SRCAP: variants seen among roughly 807,000 people sequenced by gnomAD.
SRCAP encodes chromatin remodeling protein SRCAP.
SRCAP carries 46 observed loss-of-function variants against 263.1 expected under a neutral mutation model. The observed-to-expected ratio is 0.17, with a 90% CI of 0.14 to 0.22. SRCAP has a LOEUF of 0.22. SRCAP is among the 10% of genes least tolerant of loss of function. The pLI is 1.00. For synonymous variants in SRCAP, 1,813 were observed against 1,662.1 expected, an observed-to-expected ratio of 1.09 and a Z score of -2.21; for missense variants, 3,695 against 4,181.9, an observed-to-expected ratio of 0.88 and a Z score of 3.21.
At position 30,724,122 on chromosome 16, in the gene SRCAP, T is replaced by C. The variant is rs369096758; in HGVS notation, c.4698T>C (p.Ala1566=). The C allele has an allele frequency of 1.9e-6, 3 of 1,613,788 alleles. No individual in the cohort carries two copies. Among genetic ancestry groups the C allele is most frequent in the Non-Finnish European group, 2.5e-6 (3 of 1,180,028 alleles). Residue 1566 remains alanine (A), a synonymous_variant, in exon 25 of 34, where the codon GCT becomes GCC. Coordinates refer to ENST00000262518, the MANE Select transcript of SRCAP (RefSeq NM_006662.3). ...ASPFPSAPNP[A]PAQASLLAPA... ...CTTTTCCGTCAGCACCAAATCCAGCTCCAGCTCAGGCTTCCCTTCTGGCTC... is the reference window on the plus strand; with the variant it reads ...CTTTTCCGTCAGCACCAAATCCAGCCCCAGCTCAGGCTTCCCTTCTGGCTC...
At position 30,700,722 on chromosome 16, in the gene SRCAP, C is replaced by G. The variant is rs1334991213; in HGVS notation, c.-103C>G. ...CGGTGGCCCAGAATGAGGCCAGCTC[C>G]CAGCATGCCCTGCAGCCGGACGCCA... On this transcript the variant is annotated 5_prime_UTR_variant, in exon 3 of 34. Transcript: ENST00000262518. The G allele has an allele frequency of 8.4e-7, 1 of 1,193,420 alleles. No homozygotes were observed. Among genetic ancestry groups the G allele is most frequent in the Non-Finnish European group, 1.2e-6 (1 of 831,452 alleles). 73.9% of individuals were successfully genotyped at this position (1,193,420 alleles called of 1,614,324 possible). A position where few individuals can be genotyped will look rare whatever the true frequency, so the allele number is the denominator to read the frequency against.
At chr16:30,731,910 TGAG>T (rs1206814230) in intron 27 of SRCAP, among the ~76,000 whole-genome samples, 1 of 150,614 alleles carries the variant, frequency 6.6e-6, no homozygotes, top group Non-Finnish European at 1.5e-5. Context: ...TTTGAGAGGC[TGAG>T]GTGAGTGGAT....
chr16:30,722,806 G>A (rs964013284), intron 23 of SRCAP, 58 bp downstream of exon 23: 39 of 1,565,486 alleles, frequency 2.5e-5, no homozygotes, highest in Admixed American at 2.4e-4. Context: ...CCAGGCATGC[G>A]CTGGGCTACT....
chr16:30,721,372 C>G lies in SRCAP; in HGVS notation c.3437C>G (p.Thr1146Ser). 1 of 1,614,094 alleles carries G rather than the reference C, an allele frequency of 6.2e-7. No homozygotes were observed. The highest frequency in any genetic ancestry group is 8.5e-7 in the Non-Finnish European group (1 of 1,180,046). The change falls in exon 21 of 34, where the codon ACC becomes AGC. Residue 1146 changes from threonine (T) to serine (S), a missense_variant. Around this residue, in one of 12 missense-constraint regions of SRCAP, gnomAD observed 1,347 missense variants for 1,304.4 expected, o/e 1.03. Transcript: ENST00000262518. ...GYTFPPAAAT[T>S]TSTTTATATT... ...ACCTTCCCTCCTGCTGCTGCCACCA[C>G]CACTTCTACCACCACGGCAACTGCT...
At chr16:30,708,780 T>C (rs1024777282) in intron 6 of SRCAP, among the ~76,000 whole-genome samples, 3 of 152,220 alleles carry the variant, frequency 2.0e-5, no homozygotes, top group Admixed American at 6.5e-5. Context: ...CCTCTCACTT[T>C]GGCCTCCCAA....
At chr16:30,725,155 T>C (rs2053051941) in intron 25 of SRCAP, 73 bp downstream of exon 25, 1 of 1,526,998 alleles carries the variant, frequency 6.5e-7, no homozygotes, top group African/African-American at 1.4e-5. Flanking sequence ...GATGGAACAG[T>C]GATGTCACAT....
At chr16:30,700,083 A>G (rs973751514) in intron 2 of SRCAP, 102 bp downstream of exon 2, 30 of 152,334 alleles carry the variant, frequency 2.0e-4, no homozygotes, top group African/African-American at 6.5e-4. Flanking sequence ...CTAGAGAAGC[A>G]TGGGAATGTT....
In SRCAP at chr16:30,721,269, G is replaced by A. The variant is rs751708747; in HGVS notation, c.3334G>A (p.Ala1112Thr). 6.2e-7 allele frequency: 1 copy of A among 1,614,024 alleles called. No individual in the cohort carries two copies. The highest frequency in any genetic ancestry group is 1.1e-5 in the South Asian group (1 of 91,072). ...PTLSLKPTPP[A>T]PVRLSPAPPP... Reference sequence around the variant, plus strand: ...CTTGTCCCTAAAGCCAACACCACCTGCCCCAGTTCGCCTGAGCCCAGCCCC... The same window carrying A: ...CTTGTCCCTAAAGCCAACACCACCTACCCCAGTTCGCCTGAGCCCAGCCCC... The change falls in exon 21 of 34, where the codon GCC (alanine) becomes ACC (threonine). Residue 1112 changes from alanine (A) to threonine (T), a missense_variant. Coordinates refer to ENST00000262518, the MANE Select transcript of SRCAP (RefSeq NM_006662.3).
At chr16:30,706,487 TG>T (rs1367818161) in intron 4 of SRCAP, among the ~76,000 whole-genome samples, 1 of 152,144 alleles carries the variant, frequency 6.6e-6, no homozygotes, top group African/African-American at 2.4e-5. Context: ...CTGAATTTTT[TG>T]AGTCGTCTCT....
Position 30,739,128 on chromosome 16 carries a change from A to G in SRCAP, c.9088A>G (p.Thr3030Ala), listed in dbSNP as rs769839489. The G allele has an allele frequency of 2.5e-6, 4 of 1,614,012 alleles. No homozygotes were observed. The highest frequency in any genetic ancestry group is 3.4e-6 in the Non-Finnish European group (4 of 1,180,014). Residue 3030 changes from threonine (T) to alanine (A), a missense_variant, in exon 34 of 34, where the codon ACT becomes GCT. Transcript: ENST00000262518. ...SQLPVLDRDS[T>A]SVLESCGLGR... ...GCTCCCCGTCTTGGACCGTGACAGC[A>G]CTTCTGTTCTCGAGAGCTGTGGATT... is the stretch of plus-strand genomic sequence containing the variant.
Position 30,733,813 on chromosome 16 carries a change from T to C in SRCAP, c.6494+15T>C. 6.2e-7 allele frequency: 1 copy of C among 1,611,814 alleles called. No individual in the cohort carries two copies. The highest frequency in any genetic ancestry group is 8.5e-7 in the Non-Finnish European group (1 of 1,178,398). ...CACATATATAGGTATTGCCTAGTCT[T>C]CCCTCACCTTACTTTCCGTTTACTG... On this transcript the variant is annotated intron_variant, in intron 29 of 33. Transcript: ENST00000262518. The surrounding 1 kb of genome is among the most constrained non-coding windows in gnomAD (Gnocchi z 5.3).
At position 30,699,193 on chromosome 16, in the gene SRCAP, G is replaced by A. The variant is rs868802447; in HGVS notation, c.-333G>A. The A allele has an allele frequency of 2.5e-6, 1 of 398,650 alleles. No homozygotes were observed. The highest frequency in any genetic ancestry group is 2.1e-5 in the African/African-American group (1 of 48,618). The allele number at this position is 398,650 out of a possible 1,614,324, so 24.7% of individuals were successfully genotyped here. ...GAGGTCAGTCCGTCGGGAGGGCTAG[G>A]GAGATGGTCACGAAACCTGAAGTCA... On this transcript the variant is annotated 5_prime_UTR_variant, in exon 1 of 34. Transcript: ENST00000262518.
intron 19 of SRCAP, 147 bp from the exon 20 acceptor site, chr16:30,720,566 A>C (rs1340447482): frequency 5.4e-6 from 6 of 1,114,554 alleles, no homozygotes; most frequent in Non-Finnish European, 7.6e-6. Context: ...GATTGTCTTA[A>C]ATTCCTATTC....
At chr16:30,705,297 CA>C (rs946342691) in intron 4 of SRCAP, among the ~76,000 whole-genome samples, 8 of 150,668 alleles carry the variant, frequency 5.3e-5, no homozygotes, top group East Asian at 1.9e-4. Context: ...GACTCTGTCT[CA>C]AAAAAAAATG....
In SRCAP at chr16:30,740,260, C is replaced by T. The variant is rs2053211581; in HGVS notation, c.*527C>T. The T allele has an allele frequency of 6.6e-6, 1 of 152,386 alleles. No homozygotes were observed. The highest frequency in any genetic ancestry group is 2.1e-4 in the South Asian group (1 of 4,804). 9.4% of individuals were successfully genotyped at this position (152,386 alleles called of 1,614,324 possible). A position where few individuals can be genotyped will look rare whatever the true frequency, so the allele number is the denominator to read the frequency against. On this transcript the variant is annotated 3_prime_UTR_variant, in exon 34 of 34. Coordinates refer to ENST00000262518, the MANE Select transcript of SRCAP (RefSeq NM_006662.3). ...ATCTCTAGCCCAGGACTATATGTTC[C>T]AGGCAGAAATCTACCCAAGAAGAGG...
intron 18 of SRCAP, among the ~76,000 whole-genome samples, chr16:30,719,046 G>C (rs1369046293): frequency 6.6e-6 from 1 of 151,572 alleles, no homozygotes; most frequent in Non-Finnish European, 1.5e-5. Context: ...TGGGACTACA[G>C]GTGTGCACAA....
intron 30 of SRCAP, 196 bp downstream of exon 30, chr16:30,734,204 A>G (rs1446866213): frequency 3.2e-6 from 2 of 629,970 alleles, no homozygotes; most frequent in East Asian, 2.9e-5. Flanking sequence ...TTAGCCGGGC[A>G]TGGTGGTGGG....
Position 30,729,242 on chromosome 16 carries a change from C to T in SRCAP, c.5924+11C>T. The T allele has an allele frequency of 6.2e-7, 1 of 1,602,038 alleles. No individual in the cohort carries two copies. Among genetic ancestry groups the T allele is most frequent in the African/African-American group, 1.3e-5 (1 of 74,834 alleles). On this transcript the variant is annotated intron_variant, in intron 26 of 33. Transcript: ENST00000262518. ...AGAAATCATTGAGAGGTTGGCAGGG[C>T]TAAGTGCTAATGGGGAGTGGGTCTT...
intron 25 of SRCAP, chr16:30,726,277 G>C (rs1191230510): frequency 1.3e-5 from 2 of 152,198 alleles, no homozygotes; most frequent in African/African-American, 4.8e-5. Context: ...ATGGAAACGT[G>C]TGTTACTTCT....
Sources: allele counts gnomAD v4.1 joint callset (sites outside exome capture counted in the v4.1 genomes callset), GRCh38; gene constraint gnomAD v4.1.1; regional missense constraint gnomAD v4.1.1; non-coding constraint Gnocchi (gnomAD v3.1); transcripts MANE v1.5; gene names NCBI Gene and HGNC (gene_info 2026-07-23, HGNC 2026-07-21).